PCDHA2: variants seen among roughly 807,000 people sequenced by gnomAD.
PCDHA2 encodes protocadherin alpha-2.
PCDHA2 carries 58 observed loss-of-function variants against 66.0 expected under a neutral mutation model. The ratio of observed to expected loss-of-function variants is 0.88; its 90% CI spans 0.71 to 1.09. The LOEUF (loss-of-function observed/expected upper bound fraction) is 1.09. Among genes scored for constraint, PCDHA2 ranks in the 50% least tolerant of loss-of-function variants. PCDHA2 has a pLI of 0.00. For synonymous variants in PCDHA2, 634 were observed against 554.0 expected (o/e 1.14, Z -2.03); for missense variants, 1,267 against 1,242.3 (o/e 1.02, Z -0.30).
intron 1 of PCDHA2, chr5:140,811,529 T>G (rs1554125761): frequency 6.6e-6 from 1 of 152,210 alleles, no homozygotes; most frequent in African/African-American, 2.4e-5. Context: ...TACCCAGTAA[T>G]GGGTCAAATG....
chr5:140,828,487 G>T (rs1554131330), intron 1 of PCDHA2: 4 of 1,614,106 alleles, frequency 2.5e-6, no homozygotes, highest in Non-Finnish European at 3.4e-6. Context: ...ACCCGCCCTT[G>T]TTCCCGGTAG....
intron 1 of PCDHA2, among the ~76,000 whole-genome samples, chr5:140,955,262 CT>C (rs1165777806): frequency 3.9e-5 from 6 of 152,044 alleles, no homozygotes; most frequent in African/African-American, 1.4e-4. Flanking sequence ...TATAAAGGCT[CT>C]TTTTTGGTTC....
At chr5:140,864,401 G>T (rs570935613) in intron 1 of PCDHA2, 2 of 152,328 alleles carry the variant, frequency 1.3e-5, no homozygotes, top group South Asian at 4.1e-4. Context: ...ATGGTGATGA[G>T]CAGGGTTGAG....
At chr5:140,829,005 G>C (rs2150161875) in intron 1 of PCDHA2, 5 of 1,613,588 alleles carry the variant, frequency 3.1e-6, no homozygotes, top group Non-Finnish European at 3.4e-6. Context: ...ATAGTGATTC[G>C]GGGTAATTTG....
chr5:140,993,617 C>A (rs1299213362), intron 3 of PCDHA2, among the ~76,000 whole-genome samples: 3 of 152,034 alleles, frequency 2.0e-5, no homozygotes, highest in Non-Finnish European at 4.4e-5. Context: ...TGTTGGGACC[C>A]TCTATATATA....
intron 1 of PCDHA2, chr5:140,882,401 G>A (rs899488409): frequency 4.0e-5 from 65 of 1,614,046 alleles, no homozygotes; most frequent in Non-Finnish European, 5.3e-5. Context: ...CGGCACCTTC[G>A]TGGGCCGCAT....
At chr5:140,804,867 T>C in intron 1 of PCDHA2, 1 of 558,032 alleles carries the variant, frequency 1.8e-6, no homozygotes, top group South Asian at 3.0e-5. Context: ...GTAAAATAGA[T>C]ATTTTTCTTG....
chr5:140,834,378 T>C, intron 1 of PCDHA2: 1 of 1,562,858 alleles, frequency 6.4e-7, no homozygotes, highest in Non-Finnish European at 8.7e-7. Context: ...AAGCCAATAA[T>C]TTGAAATGGT....
At chr5:140,836,310 C>T in intron 1 of PCDHA2, 1 of 1,613,714 alleles carries the variant, frequency 6.2e-7, no homozygotes. Context: ...GACGGACGCA[C>T]CGCGCCACCG....
Position 140,881,600 on chromosome 5 carries a change from A to G in PCDHA2, c.2388+84248A>G, listed in dbSNP as rs193128939. On this transcript the variant is annotated intron_variant, in intron 1 of 3. Coordinates refer to ENST00000526136, the MANE Select transcript of PCDHA2 (RefSeq NM_018905.3). ...GTCACATTGAGGGAAATTTATTAAT[A>G]TGATGTGCTTATTCAAAATCTGATA... 3.1e-3 allele frequency among the ~76,000 whole-genome samples: 469 copies of G among 152,338 alleles called. 3 individuals are homozygous for G. Among genetic ancestry groups the G allele is most frequent in the Middle Eastern group, 0.014 (4 of 294 alleles).
chr5:140,849,596 A>G, intron 1 of PCDHA2: 1 of 1,598,768 alleles, frequency 6.3e-7, no homozygotes, highest in Non-Finnish European at 8.6e-7. Flanking sequence ...AACTGGGGAC[A>G]GTTATTGCCC....
chr5:140,901,549 A>T (rs1554189886), intron 1 of PCDHA2, among the ~76,000 whole-genome samples: 1 of 152,052 alleles, frequency 6.6e-6, no homozygotes, highest in Non-Finnish European at 1.5e-5. Context: ...ATTCTGTTCC[A>T]TTCATCTATG....
chr5:140,930,412 G>T (rs1327423423), intron 1 of PCDHA2: 1 of 148,866 alleles, frequency 6.7e-6, no homozygotes, highest in Non-Finnish European at 1.5e-5. Context: ...TTTTGAGACA[G>T]GGGTCTCACT....
intron 1 of PCDHA2, chr5:140,835,557 C>CG: frequency 5.0e-6 from 8 of 1,613,936 alleles, no homozygotes; most frequent in African/African-American, 1.3e-5. Context: ...CCTGACGCCC[C>CG]GCGTTCCCTT....
chr5:141,002,019 T>G (rs1420727822), intron 3 of PCDHA2, among the ~76,000 whole-genome samples: 4 of 152,176 alleles, frequency 2.6e-5, no homozygotes, highest in Admixed American at 6.5e-5. Flanking sequence ...CTGCACAGCC[T>G]TCGGTGCCCT....
intron 1 of PCDHA2, chr5:140,801,886 T>A (rs1762805579): frequency 6.2e-7 from 1 of 1,614,152 alleles, no homozygotes; most frequent in East Asian, 2.2e-5. Context: ...CAACTAAAGA[T>A]CACTGTTTTA....
chr5:140,928,973 T>G (rs782178426), intron 1 of PCDHA2: 3 of 1,613,958 alleles, frequency 1.9e-6, no homozygotes, highest in Non-Finnish European at 2.5e-6. Flanking sequence ...ATTTCCTTTT[T>G]ATTTCTGGGG....
At chr5:140,970,135 G>C (rs1317802980) in intron 1 of PCDHA2, among the ~76,000 whole-genome samples, 1 of 152,016 alleles carries the variant, frequency 6.6e-6, no homozygotes, top group Non-Finnish European at 1.5e-5. Context: ...GAAGAGAAGG[G>C]AAAAAGAATT....
chr5:140,842,746 C>G (rs2150343486), intron 1 of PCDHA2: 2 of 1,595,086 alleles, frequency 1.3e-6, no homozygotes, highest in Non-Finnish European at 1.7e-6. Context: ...GCCACATCTT[C>G]ACGGTGTCTG....
Sources: allele counts gnomAD v4.1 joint callset (sites outside exome capture counted in the v4.1 genomes callset), GRCh38; gene constraint gnomAD v4.1.1; transcripts MANE v1.5; gene names NCBI Gene and HGNC (gene_info 2026-07-23, HGNC 2026-07-21).